Variants in CDON observed in about 807,000 individuals in gnomAD.
CDON encodes cell adhesion molecule-related/down-regulated by oncogenes.
In CDON, 73 loss-of-function variants were observed where a neutral mutation model predicts 120.9. The ratio of observed to expected loss-of-function variants is 0.60; its 90% CI spans 0.50 to 0.73. CDON has a LOEUF of 0.73. Among genes scored for constraint, CDON ranks in the 30% least tolerant of loss-of-function variants. CDON has a pLI of 0.00. For synonymous variants in CDON, 566 were observed against 573.5 expected (o/e 0.99, Z 0.19); for missense variants, 1,470 against 1,587.3 (o/e 0.93, Z 1.26).
intron 18 of CDON, among the ~76,000 whole-genome samples, chr11:125,966,153 A>AT (rs5795470): frequency 4.0e-5 from 6 of 151,350 alleles, no homozygotes; most frequent in Non-Finnish European, 5.9e-5. Flanking sequence ...AAAAAAAAAA[A>AT]TTCGATAAAA....
At chr11:125,983,087 G>A (rs986068964) in intron 16 of CDON, among the ~76,000 whole-genome samples, 4 of 152,204 alleles carry the variant, frequency 2.6e-5, no homozygotes, top group African/African-American at 9.6e-5. Flanking sequence ...GCCACTGGAA[G>A]TGCCTGCTGG....
In CDON at chr11:125,995,068, A is replaced by AAAAC. The variant is rs766547644; in HGVS notation, c.2363-20_2363-17dup. 5 of 1,598,688 alleles carry AAAAC rather than the reference A, an allele frequency of 3.1e-6. No homozygotes were observed. In the African/African-American group the frequency reaches 6.8e-5, roughly 22 times the overall value. ...TATGTTGAACCTTTGAGGGAAAACA[A>AAAAC]AAACAAACAAACAACAACAACAAAA... On this transcript the variant is annotated splice_polypyrimidine_tract_variant and intron_variant, in intron 12 of 19. Coordinates refer to ENST00000531738, the MANE Select transcript of CDON (RefSeq NM_001378964.1).
At chr11:125,995,556 G>T (rs1278683873) in intron 12 of CDON, among the ~76,000 whole-genome samples, 2 of 152,102 alleles carry the variant, frequency 1.3e-5, no homozygotes, top group African/African-American at 2.4e-5. Flanking sequence ...TGCTAACAGT[G>T]TAAGAGTAAG....
intron 1 of CDON, among the ~76,000 whole-genome samples, chr11:126,029,321 A>T (rs1947887040): frequency 6.6e-6 from 1 of 152,198 alleles, no homozygotes; most frequent in African/African-American, 2.4e-5. Context: ...AATGACAAAA[A>T]ACAACGTGGA....
chr11:126,015,416 G>C lies in CDON; in HGVS notation c.1023C>G (p.Pro341=). ...FTCDVHGNPA[P]NCTWFHNAQP... ...GTGCATTGTGAAACCAGGTACAGTTGGGGGCTGGGTTCCCATGAACGTCGC... is the reference window on the plus strand; with the variant it reads ...GTGCATTGTGAAACCAGGTACAGTTCGGGGCTGGGTTCCCATGAACGTCGC... The change falls in exon 7 of 20, where the codon CCC becomes CCG. Residue 341 remains proline (P), a synonymous_variant. Coordinates refer to ENST00000531738, the MANE Select transcript of CDON (RefSeq NM_001378964.1). 1.9e-6 allele frequency: 3 copies of C among 1,614,144 alleles called. No individual in the cohort carries two copies. Among genetic ancestry groups the C allele is most frequent in the Non-Finnish European group, 1.7e-6 (2 of 1,180,008 alleles).
rs1267280960 is a variant in CDON, at chr11:126,017,092, T to C, written c.924A>G (p.Val308=). The change falls in exon 6 of 20, where the codon GTA becomes GTG. Residue 308 remains valine, a synonymous_variant. Coordinates refer to ENST00000531738, the MANE Select transcript of CDON (RefSeq NM_001378964.1). The part of the protein sequence containing the change: ...DVKYVTYMVN[V]LEHASISKGL... Reference sequence around the variant, plus strand: ...AATTAAAAACTAACATCTTACCAAGTACATTAACCATGTAAGTCACATATT... The same window carrying C: ...AATTAAAAACTAACATCTTACCAAGCACATTAACCATGTAAGTCACATATT... 6 of 1,613,750 alleles carry C rather than the reference T, an allele frequency of 3.7e-6. No individual in the cohort carries two copies. Among genetic ancestry groups the C allele is most frequent in the Non-Finnish European group, 5.1e-6 (6 of 1,179,768 alleles).
At chr11:125,990,966 T>A (rs12271253) in intron 14 of CDON, among the ~76,000 whole-genome samples, 2,220 of 152,258 alleles carry the variant, frequency 0.015, 55 homozygotes, top group African/African-American at 0.051. Context: ...ATGGAATAGA[T>A]CTGTCTCTGA....
chr11:126,001,525 T>C (rs976781526), intron 11 of CDON, among the ~76,000 whole-genome samples, 194 bp downstream of exon 11: 10 of 152,022 alleles, frequency 6.6e-5, no homozygotes, highest in Non-Finnish European at 1.3e-4. Context: ...TCAGAGTTAA[T>C]GAAGTTAAGT....
At chr11:126,033,861 C>A (rs1948017313) in intron 1 of CDON, among the ~76,000 whole-genome samples, 1 of 152,236 alleles carries the variant, frequency 6.6e-6, no homozygotes, top group South Asian at 2.1e-4. Flanking sequence ...TATGGGGGTT[C>A]TTTTAGAAAC....
At chr11:125,961,640 C>T (rs752285944) in intron 19 of CDON, 84 bp downstream of exon 19, 2 of 1,584,420 alleles carry the variant, frequency 1.3e-6, no homozygotes, top group Admixed American at 3.4e-5. Flanking sequence ...AGAGGGGAAA[C>T]TCTGAAAGCA....
chr11:125,972,665 A>G (rs184378283), intron 18 of CDON, among the ~76,000 whole-genome samples: 24 of 152,282 alleles, frequency 1.6e-4, no homozygotes, highest in African/African-American at 5.3e-4. Context: ...GATGGGTGAT[A>G]AAAGGGGTCA....
intron 5 of CDON, 82 bp downstream of exon 5, chr11:126,018,248 G>T: frequency 7.3e-7 from 1 of 1,368,332 alleles, no homozygotes; most frequent in Non-Finnish European, 1.0e-6. Flanking sequence ...AACAGGATTT[G>T]AAAAAAAAAT....
intron 6 of CDON, among the ~76,000 whole-genome samples, 191 bp downstream of exon 6, chr11:126,016,897 G>A (rs781676529): frequency 3.3e-5 from 5 of 151,982 alleles, no homozygotes; most frequent in Admixed American, 1.3e-4. Flanking sequence ...TATTCCATGC[G>A]AAATGCTCTA....
intron 13 of CDON, 117 bp downstream of exon 13, chr11:125,994,754 C>G: frequency 5.8e-6 from 5 of 865,302 alleles, no homozygotes; most frequent in Non-Finnish European, 9.5e-6. Flanking sequence ...TGCCCTTGCA[C>G]TTCCCCTCAA....
At chr11:125,961,649 C>T in intron 19 of CDON, 75 bp downstream of exon 19, 1 of 1,596,586 alleles carries the variant, frequency 6.3e-7, no homozygotes, top group Non-Finnish European at 8.6e-7. Context: ...ACTCTGAAAG[C>T]ATCACCTTCC....
chr11:125,997,589 C>T (rs1946826443), intron 11 of CDON, among the ~76,000 whole-genome samples, 179 bp from the exon 12 acceptor site: 1 of 152,066 alleles, frequency 6.6e-6, no homozygotes, highest in Non-Finnish European at 1.5e-5. Context: ...AATGGGAATA[C>T]AGGAAATAAA....
rs776379900 is a variant in CDON at position 126,012,465 on chromosome 11, G to A, written c.1199-1771C>T. The stretch of plus-strand genomic sequence containing the variant: ...CGCCCAGGCCGGAGTGCAGTAGTGC[G>A]ATCTCAGCTCACTGCAACCTCCACC... On this transcript the variant is annotated intron_variant, in intron 7 of 19. Transcript: ENST00000531738. 3.3e-5 allele frequency among the ~76,000 whole-genome samples: 5 copies of A among 151,518 alleles called. No individual in the cohort carries two copies. The South Asian group carries it at 6.3e-4, about 19-fold the overall frequency.
intron 1 of CDON, among the ~76,000 whole-genome samples, chr11:126,060,061 G>C (rs1948760825): frequency 6.6e-6 from 1 of 152,012 alleles, no homozygotes; most frequent in Non-Finnish European, 1.5e-5. Context: ...GCCCTCCCCT[G>C]TGCTGTTGAA....
intron 1 of CDON, among the ~76,000 whole-genome samples, chr11:126,043,251 T>A (rs1249240847): frequency 2.0e-5 from 3 of 152,118 alleles, no homozygotes; most frequent in Admixed American, 2.0e-4. Flanking sequence ...CTGCAAACAA[T>A]CAGACCGATT....
Sources: allele counts gnomAD v4.1 joint callset (sites outside exome capture counted in the v4.1 genomes callset), GRCh38; gene constraint gnomAD v4.1.1; transcripts MANE v1.5; gene names NCBI Gene and HGNC (gene_info 2026-07-23, HGNC 2026-07-21).